The following ERCC6L2 variants were observed in gnomAD, a reference collection of about 807,000 sequenced individuals.
ERCC6L2 encodes the protein ERCC excision repair 6 like 2, also known as DNA excision repair protein ERCC-6-like 2.
Under a neutral mutation model 132.0 loss-of-function variants are expected in ERCC6L2, and 77 were observed. The observed-to-expected ratio is 0.58, with a 90% CI of 0.49 to 0.71. The LOEUF is 0.71. Among genes scored for constraint, ERCC6L2 ranks in the 30% least tolerant of loss-of-function variants. ERCC6L2 has a pLI of 0.00. For missense variants in ERCC6L2, 1,542 were observed against 1,837.6 expected, an observed-to-expected ratio of 0.84 and a Z score of 2.94; for synonymous variants, 583 against 632.4, an observed-to-expected ratio of 0.92 and a Z score of 1.17.
At chr9:96,030,378 T>C (rs1834440964) in intron 19 of ERCC6L2, among the ~76,000 whole-genome samples, 1 of 152,030 alleles carries the variant, frequency 6.6e-6, no homozygotes, top group Admixed American at 6.5e-5. Flanking sequence ...TCACAATAAA[T>C]CTTGGTGTTG....
intron 17 of ERCC6L2, among the ~76,000 whole-genome samples, chr9:95,983,690 A>G (rs890955170): frequency 4.6e-5 from 7 of 152,234 alleles, no homozygotes; most frequent in African/African-American, 1.7e-4. Flanking sequence ...TGTCTTAGGA[A>G]TTCTGAATTT....
intron 19 of ERCC6L2, among the ~76,000 whole-genome samples, chr9:96,031,078 T>C (rs1371965884): frequency 6.6e-6 from 1 of 152,210 alleles, no homozygotes; most frequent in Non-Finnish European, 1.5e-5. Flanking sequence ...GGACACATTT[T>C]AAAGCACTGC....
At chr9:95,979,934 C>A (rs1832826133) in intron 17 of ERCC6L2, among the ~76,000 whole-genome samples, 1 of 151,964 alleles carries the variant, frequency 6.6e-6, no homozygotes, top group Admixed American at 6.5e-5. Context: ...CTTCTCCATA[C>A]AAACAAATTT....
chr9:95,955,848 C>T, intron 12 of ERCC6L2, 66 bp from the exon 13 acceptor site: 1 of 790,284 alleles, frequency 1.3e-6, no homozygotes, highest in Non-Finnish European at 2.0e-6. Context: ...TTTATGTCCC[C>T]AAGTTACCTC....
chr9:96,038,032 G>A (rs904734219), intron 19 of ERCC6L2, among the ~76,000 whole-genome samples: 1 of 152,070 alleles, frequency 6.6e-6, no homozygotes, highest in African/African-American at 2.4e-5. Context: ...GGGTAGGTGG[G>A]TGGTGGTGGG....
chr9:96,039,353 A>G (rs949416132), intron 20 of ERCC6L2, among the ~76,000 whole-genome samples: 8 of 152,188 alleles, frequency 5.3e-5, no homozygotes, highest in Admixed American at 1.3e-4. Context: ...GCCAGAGGAA[A>G]TGGAGGAATC....
At chr9:95,986,241 G>C (rs1483733960) in intron 17 of ERCC6L2, among the ~76,000 whole-genome samples, 1 of 152,170 alleles carries the variant, frequency 6.6e-6, no homozygotes, top group Non-Finnish European at 1.5e-5. Context: ...CAAAAATTGG[G>C]CTATATAGTA....
At position 96,012,463 on chromosome 9, in the gene ERCC6L2, A is replaced by T; in HGVS notation, c.3913A>T (p.Lys1305Ter). The T allele has an allele frequency of 1.5e-6, 2 of 1,367,074 alleles. No individual in the cohort carries two copies. The highest frequency in any genetic ancestry group is 2.0e-6 in the Non-Finnish European group (2 of 1,021,676). 84.7% of individuals were successfully genotyped at this position (1,367,074 alleles called of 1,614,324 possible). Reference sequence around the variant, plus strand: ...ATCTGATAAAAGAGAATCTCTTATAAAACCAAGGCTGTCAGATTCTGAAAC... The same window carrying T: ...ATCTGATAAAAGAGAATCTCTTATATAACCAAGGCTGTCAGATTCTGAAAC... ...KKSDKRESLI[K>*]PRLSDSETLS... The change falls in exon 19 of 19, where the codon AAA becomes TAA. Residue 1305 changes from lysine (K) to a stop codon, truncating the protein, a stop_gained. Coordinates refer to ENST00000653738, the MANE Select transcript of ERCC6L2 (RefSeq NM_020207.7). LOFTEE classifies it low-confidence loss of function (END_TRUNC).
chr9:95,878,618 T>C (rs868578363), intron 1 of ERCC6L2, among the ~76,000 whole-genome samples: 10 of 152,108 alleles, frequency 6.6e-5, no homozygotes, highest in African/African-American at 1.9e-4. Context: ...ACTTGTCATT[T>C]AGCATTAGGT....
chr9:95,970,223 T>C lies in ERCC6L2; in HGVS notation c.2101-353T>C, dbSNP rs549705905. On this transcript the variant is annotated intron_variant, in intron 14 of 18. Coordinates refer to ENST00000653738, the MANE Select transcript of ERCC6L2 (RefSeq NM_020207.7). ...TGTTAATATGTCCTTACCATAATTA[T>C]TGTATGGGAATGGTTGTTATGGATA... Among the ~76,000 whole-genome samples the C allele has an allele frequency of 2.6e-5, 4 of 152,272 alleles. No homozygotes were observed. The South Asian group carries it at 6.2e-4, about 24-fold the overall frequency.
At chr9:95,896,194 T>C (rs1828449752) in intron 2 of ERCC6L2, among the ~76,000 whole-genome samples, 1 of 152,156 alleles carries the variant, frequency 6.6e-6, no homozygotes, top group South Asian at 2.1e-4. Context: ...TTAGTTTCTT[T>C]AGTGTGGCTC....
chr9:96,019,248 T>C (rs1226360149), downstream of ERCC6L2, among the ~76,000 whole-genome samples: 1 of 152,210 alleles, frequency 6.6e-6, no homozygotes, highest in African/African-American at 2.4e-5. Context: ...ATATTTTCTC[T>C]TCTTTCCTAA....
chr9:95,941,430 T>A (rs763744366), intron 11 of ERCC6L2, 24 bp from the exon 12 acceptor site: 3 of 792,582 alleles, frequency 3.8e-6, no homozygotes, highest in Admixed American at 6.4e-5. Flanking sequence ...TCTAATGTGC[T>A]TTTTTTTTTT....
At chr9:95,983,945 C>T (rs899392995) in intron 17 of ERCC6L2, among the ~76,000 whole-genome samples, 5 of 151,886 alleles carry the variant, frequency 3.3e-5, no homozygotes, top group African/African-American at 9.7e-5. Flanking sequence ...TTTGTTCTGG[C>T]GATTTCAATT....
chr9:95,970,682 T>C (rs1400830488), intron 15 of ERCC6L2, 26 bp downstream of exon 15: 1 of 1,276,098 alleles, frequency 7.8e-7, no homozygotes, highest in Non-Finnish European at 1.0e-6. Flanking sequence ...ACCTGTAGAC[T>C]ACAACACCTA....
intron 3 of ERCC6L2, among the ~76,000 whole-genome samples, chr9:95,901,263 G>T (rs1828762561): frequency 6.6e-6 from 1 of 151,598 alleles, no homozygotes; most frequent in East Asian, 1.9e-4. Context: ...TCCTTGGAAA[G>T]GATTTTTTTT....
chr9:96,008,052 A>G (rs1283645822), intron 18 of ERCC6L2, among the ~76,000 whole-genome samples: 1 of 152,162 alleles, frequency 6.6e-6, no homozygotes, highest in Non-Finnish European at 1.5e-5. Context: ...ACTGCCACAC[A>G]GTGTACCTAC....
chr9:95,926,715 T>C (rs1830117794), intron 9 of ERCC6L2, among the ~76,000 whole-genome samples: 1 of 152,174 alleles, frequency 6.6e-6, no homozygotes, highest in African/African-American at 2.4e-5. Flanking sequence ...CATGTCATGA[T>C]ATATTTGTCA....
At chr9:95,942,132 T>C (rs556795630) in intron 12 of ERCC6L2, among the ~76,000 whole-genome samples, 1 of 152,320 alleles carries the variant, frequency 6.6e-6, no homozygotes, top group South Asian at 2.1e-4. Flanking sequence ...ATGGGGAATC[T>C]GACTGTAGAA....
Sources: allele counts gnomAD v4.1 joint callset (sites outside exome capture counted in the v4.1 genomes callset), GRCh38; gene constraint gnomAD v4.1.1; transcripts MANE v1.5; gene names NCBI Gene and HGNC (gene_info 2026-07-23, HGNC 2026-07-21).